LRRIQ1: variants seen among roughly 807,000 people sequenced by gnomAD.
The protein encoded by LRRIQ1 is leucine rich repeats and IQ motif containing 1.
Under a neutral mutation model 211.9 loss-of-function variants are expected in LRRIQ1, and 210 were observed. That is an observed-to-expected ratio of 0.99 (90% confidence interval 0.89 to 1.11). The LOEUF (loss-of-function observed/expected upper bound fraction) is 1.11, where lower values mean the gene tolerates loss of function less well. Ranked by LOEUF, LRRIQ1 falls within the 50% of genes most tolerant of loss-of-function variation. The pLI is 0.00. For synonymous variants in LRRIQ1, 699 were observed against 650.1 expected (o/e 1.08, Z -1.14); for missense variants, 2,136 against 1,939.5 (o/e 1.10, Z -1.90).
In LRRIQ1 at chr12:85,244,858, G is replaced by T; in HGVS notation, c.5086G>T (p.Val1696Leu). ...CATGACCAATGGAAGTGCTTTGTCT[G>T]TGAACAGAGAAAAAAAAAATCAGGC... is the stretch of plus-strand genomic sequence containing the variant. ...FSMTNGSALS[V>L]NREKKNQAHR... The change falls in exon 27 of 27, where the codon GTG becomes TTG. Residue 1696 changes from valine to leucine, a missense_variant. By Grantham distance (32) the Val-to-Leu change is conservative. Coordinates refer to ENST00000393217, the MANE Select transcript of LRRIQ1 (RefSeq NM_001079910.2). 2 of 1,603,152 alleles carry T rather than the reference G, an allele frequency of 1.2e-6. No individual in the cohort carries two copies. Among genetic ancestry groups the T allele is most frequent in the Non-Finnish European group, 1.7e-6 (2 of 1,173,482 alleles).
chr12:85,141,514 A>G (rs7955268), intron 19 of LRRIQ1, among the ~76,000 whole-genome samples: 2,714 of 149,178 alleles, frequency 0.018, 77 homozygotes, highest in African/African-American at 0.063. Flanking sequence ...CTCTTGAACA[A>G]TAGTTTCTCT....
At chr12:85,065,225 A>G in intron 8 of LRRIQ1, 37 bp from the exon 9 acceptor site, 1 of 1,529,678 alleles carries the variant, frequency 6.5e-7, no homozygotes, top group Non-Finnish European at 8.8e-7. Context: ...GTTTTGTTAA[A>G]TAACACTACA....
intron 1 of LRRIQ1, among the ~76,000 whole-genome samples, chr12:85,257,094 TA>T (rs1297355846): frequency 8.4e-6 from 1 of 118,590 alleles, no homozygotes; most frequent in African/African-American, 3.1e-5. Context: ...TTATATTATA[TA>T]ATTATATAAA....
chr12:85,150,292 C>G (rs1284220243), intron 19 of LRRIQ1, among the ~76,000 whole-genome samples: 1 of 151,690 alleles, frequency 6.6e-6, no homozygotes, highest in Non-Finnish European at 1.5e-5. Context: ...TCAATTATAG[C>G]TGATATACTG....
intron 23 of LRRIQ1, among the ~76,000 whole-genome samples, chr12:85,156,814 T>C (rs933002078): frequency 3.0e-4 from 46 of 151,024 alleles, no homozygotes; most frequent in Non-Finnish European, 5.2e-4. Context: ...TCTACGGGAG[T>C]GGGGAGCATG....
chr12:85,057,915 T>C (rs2136002785), intron 8 of LRRIQ1, among the ~76,000 whole-genome samples: 1 of 152,194 alleles, frequency 6.6e-6, no homozygotes, highest in Non-Finnish European at 1.5e-5. Context: ...CAATAAAGTT[T>C]ATTTAGTTTC....
intron 17 of LRRIQ1, 118 bp downstream of exon 17, chr12:85,124,637 A>G: frequency 1.3e-6 from 1 of 775,984 alleles, no homozygotes; most frequent in South Asian, 1.7e-5. Flanking sequence ...CATATTTCAT[A>G]CCGATTCCAT....
At chr12:85,244,522 T>C (rs909511194) in intron 26 of LRRIQ1, among the ~76,000 whole-genome samples, 2 of 151,752 alleles carry the variant, frequency 1.3e-5, no homozygotes, top group Non-Finnish European at 3.0e-5. Context: ...TTGATATTGA[T>C]TTTCATCAAA....
chr12:85,061,222 A>T (rs1433569657), intron 8 of LRRIQ1, among the ~76,000 whole-genome samples: 2 of 151,768 alleles, frequency 1.3e-5, no homozygotes, highest in African/African-American at 4.8e-5. Context: ...TAATGAACAC[A>T]TACGATTACT....
Position 85,244,782 on chromosome 12 carries a change from C to T in LRRIQ1, c.5017-7C>T. On this transcript the variant is annotated splice_region_variant and splice_polypyrimidine_tract_variant and intron_variant, in intron 26 of 26. Transcript: ENST00000393217. ...TGATTGTATACATTCTCTTCCATTG[C>T]TCCCAGGCAAGACTTGTAAGCAGAG... The T allele has an allele frequency of 6.2e-7, 1 of 1,610,180 alleles. No homozygotes were observed. Among genetic ancestry groups the T allele is most frequent in the Non-Finnish European group, 8.5e-7 (1 of 1,177,310 alleles).
chr12:85,162,866 T>C, intron 24 of LRRIQ1: 1 of 436,656 alleles, frequency 2.3e-6, no homozygotes, highest in Non-Finnish European at 4.5e-6. Flanking sequence ...TTTTCTAATG[T>C]GCTATAGGTT....
At chr12:85,194,310 G>A (rs1465248687) in intron 24 of LRRIQ1, among the ~76,000 whole-genome samples, 1 of 107,614 alleles carries the variant, frequency 9.3e-6, no homozygotes, top group African/African-American at 3.7e-5. Flanking sequence ...ACTCAGCTCT[G>A]CACCAAGCAG....
At chr12:85,128,063 A>T in intron 18 of LRRIQ1, 30 bp downstream of exon 18, 3 of 1,439,368 alleles carry the variant, frequency 2.1e-6, no homozygotes, top group Non-Finnish European at 2.9e-6. Flanking sequence ...TAACATAGTT[A>T]CAAAAGATAT....
At chr12:85,164,667 T>A (rs1057008270) in intron 24 of LRRIQ1, among the ~76,000 whole-genome samples, 1 of 152,188 alleles carries the variant, frequency 6.6e-6, no homozygotes, top group Non-Finnish European at 1.5e-5. Flanking sequence ...AAAGGTATTA[T>A]GACTGTCAAC....
At chr12:85,130,863 C>T (rs891817748) in intron 18 of LRRIQ1, among the ~76,000 whole-genome samples, 1 of 152,056 alleles carries the variant, frequency 6.6e-6, no homozygotes, top group Admixed American at 6.6e-5. Flanking sequence ...TAGAGCCAGA[C>T]TAGATTTCCA....
At chr12:85,169,679 T>C (rs944051747) in intron 24 of LRRIQ1, among the ~76,000 whole-genome samples, 1 of 152,208 alleles carries the variant, frequency 6.6e-6, no homozygotes, top group Non-Finnish European at 1.5e-5. Flanking sequence ...TGTAACACTA[T>C]TTCACATAGC....
chr12:85,246,620 T>C (rs1895726861), downstream of LRRIQ1, among the ~76,000 whole-genome samples: 1 of 151,352 alleles, frequency 6.6e-6, no homozygotes, highest in Non-Finnish European at 1.5e-5. Flanking sequence ...TTTAGAGATA[T>C]AATTATATAG....
At position 85,047,371 on chromosome 12, in the gene LRRIQ1, G is replaced by C. The variant is rs772213839; in HGVS notation, c.579G>C (p.Arg193Ser). 2 of 1,606,444 alleles carry C rather than the reference G, an allele frequency of 1.2e-6. No individual in the cohort carries two copies. Among genetic ancestry groups the C allele is most frequent in the Non-Finnish European group, 1.7e-6 (2 of 1,173,462 alleles). ...DKEKQTLKAQ[R>S]DREEKQFQEE... ...AGAAACAAACTCTCAAAGCTCAGAGGGATAGAGAAGAAAAACAATTTCAAG... is the reference window on the plus strand; with the variant it reads ...AGAAACAAACTCTCAAAGCTCAGAGCGATAGAGAAGAAAAACAATTTCAAG... The change falls in exon 6 of 27, where the codon AGG becomes AGC. Residue 193 changes from arginine to serine, a missense_variant. Transcript: ENST00000393217.
At chr12:85,137,607 G>C (rs1204676233) in intron 18 of LRRIQ1, among the ~76,000 whole-genome samples, 5 of 151,574 alleles carry the variant, frequency 3.3e-5, no homozygotes, top group Non-Finnish European at 7.4e-5. Context: ...GTGCAGTTGA[G>C]GGAGTTTTAA....
Sources: gnomAD v4.1 joint callset for allele counts (sites outside exome capture counted in the v4.1 genomes callset) on GRCh38, gnomAD v4.1.1 for gene constraint, MANE v1.5 for transcripts, NCBI Gene and HGNC (gene_info 2026-07-23, HGNC 2026-07-21) for gene names.